Variants in ANKRD6 observed in about 807,000 individuals in gnomAD.
The protein encoded by ANKRD6 is ankyrin repeat domain 6.
A neutral mutation model predicts 82.3 loss-of-function variants in ANKRD6; 56 were observed. That is an observed-to-expected ratio of 0.68 (90% CI 0.55 to 0.85). The LOEUF (loss-of-function observed/expected upper bound fraction) is 0.85. ANKRD6 is among the 40% of genes least tolerant of loss of function. The probability of loss-of-function intolerance (pLI) is 0.00; values close to 1 mark genes in which losing one functional copy is unlikely to be tolerated. For synonymous variants in ANKRD6, 347 were observed against 352.1 expected (o/e 0.99, Z 0.16); for missense variants, 852 against 907.6 (o/e 0.94, Z 0.79).
At chr6:89,560,010 T>G (rs753591785) in intron 1 of ANKRD6, among the ~76,000 whole-genome samples, 19 of 152,106 alleles carry the variant, frequency 1.2e-4, no homozygotes, top group Non-Finnish European at 2.1e-4. Context: ...AAATGGACAT[T>G]AAAGGCCATC....
At chr6:89,544,556 T>G (rs1028984769) in intron 1 of ANKRD6, among the ~76,000 whole-genome samples, 6 of 151,668 alleles carry the variant, frequency 4.0e-5, no homozygotes, top group Non-Finnish European at 8.8e-5. Context: ...CTACTAATAA[T>G]ACAAAAAATT....
At chr6:89,493,679 G>A (rs978043209) in intron 1 of ANKRD6, among the ~76,000 whole-genome samples, 1 of 152,184 alleles carries the variant, frequency 6.6e-6, no homozygotes, top group East Asian at 1.9e-4. Context: ...TCCCAAAAAA[G>A]TGCTGGAATT....
intron 7 of ANKRD6, among the ~76,000 whole-genome samples, chr6:89,614,366 C>T (rs1470246219): frequency 2.0e-5 from 3 of 151,950 alleles, no homozygotes; most frequent in Admixed American, 1.3e-4. Flanking sequence ...AAAATTTGGC[C>T]GGCCGTGGTG....
intron 1 of ANKRD6, among the ~76,000 whole-genome samples, chr6:89,559,683 T>C (rs2128047703): frequency 6.6e-6 from 1 of 152,256 alleles, no homozygotes; most frequent in Non-Finnish European, 1.5e-5. Context: ...ATTCCCAGAG[T>C]GGCCGTGGTG....
At chr6:89,491,866 G>A (rs1012528332) in intron 1 of ANKRD6, among the ~76,000 whole-genome samples, 3 of 152,058 alleles carry the variant, frequency 2.0e-5, no homozygotes, top group African/African-American at 7.2e-5. Flanking sequence ...CCCTGAAGAT[G>A]AAGGGTCACA....
At chr6:89,517,142 T>C (rs1302486836) in intron 1 of ANKRD6, among the ~76,000 whole-genome samples, 1 of 152,228 alleles carries the variant, frequency 6.6e-6, no homozygotes, top group Non-Finnish European at 1.5e-5. Context: ...AGTGCTTGTG[T>C]TACAGGCGTA....
chr6:89,525,155 C>T (rs1782316385), intron 1 of ANKRD6, among the ~76,000 whole-genome samples: 2 of 151,966 alleles, frequency 1.3e-5, no homozygotes, highest in South Asian at 2.1e-4. Context: ...TTAGCTGGGC[C>T]TGGTGGCACA....
intron 14 of ANKRD6, chr6:89,628,816 C>A: frequency 6.2e-6 from 2 of 323,126 alleles, no homozygotes; most frequent in Non-Finnish European, 1.2e-5. Flanking sequence ...AGAGCAAGAA[C>A]TTACTAACCG....
At chr6:89,529,247 T>G (rs1304418101) in intron 1 of ANKRD6, among the ~76,000 whole-genome samples, 2 of 152,256 alleles carry the variant, frequency 1.3e-5, no homozygotes, top group African/African-American at 4.8e-5. Flanking sequence ...TAGCTAGATT[T>G]TCTCTTCTTA....
intron 2 of ANKRD6, 79 bp from the exon 3 acceptor site, chr6:89,595,837 C>A: frequency 8.4e-7 from 1 of 1,188,838 alleles, no homozygotes; most frequent in Non-Finnish European, 1.2e-6. Context: ...CTGTGCAAAC[C>A]TTGCTCTAGG....
At chr6:89,477,070 A>G (rs1013722295) in intron 1 of ANKRD6, among the ~76,000 whole-genome samples, 3 of 151,956 alleles carry the variant, frequency 2.0e-5, no homozygotes, top group Non-Finnish European at 4.4e-5. Flanking sequence ...TCAGCCTCCC[A>G]AGTAGCTGGG....
intron 1 of ANKRD6, among the ~76,000 whole-genome samples, chr6:89,492,038 A>T (rs535830637): frequency 1.3e-5 from 2 of 152,330 alleles, no homozygotes; most frequent in East Asian, 3.9e-4. Context: ...TTATTTCCTT[A>T]TGAAGACTCC....
chr6:89,535,381 T>C (rs778211177), intron 1 of ANKRD6, among the ~76,000 whole-genome samples: 4 of 152,258 alleles, frequency 2.6e-5, no homozygotes, highest in Non-Finnish European at 4.4e-5. Flanking sequence ...ATAGTCTGCA[T>C]GTTTCCTCAG....
intron 1 of ANKRD6, among the ~76,000 whole-genome samples, chr6:89,546,465 ATTGAT>A (rs1785109906): frequency 6.6e-6 from 1 of 151,902 alleles, no homozygotes; most frequent in African/African-American, 2.4e-5. Context: ...TGATTGATCG[ATTGAT>A]CGATTGATTT....
At position 89,627,485 on chromosome 6, in the gene ANKRD6, C is replaced by A. The variant is rs1313408263; in HGVS notation, c.1372-98C>A. 6.4e-6 allele frequency: 6 copies of A among 936,252 alleles called. No individual in the cohort carries two copies. In the Admixed American group the frequency reaches 1.1e-4, roughly 17 times the overall value. 58.0% of individuals were successfully genotyped at this position (936,252 alleles called of 1,614,324 possible). A position where few individuals can be genotyped will look rare whatever the true frequency, so the allele number is the denominator to read the frequency against. On this transcript the variant is annotated intron_variant, in intron 13 of 15. Coordinates refer to ENST00000339746, the MANE Select transcript of ANKRD6 (RefSeq NM_001242809.2). ...AGGGGTTGAAGTTTGCATGCAGGGG[C>A]TCCTACTTGGTTCCCCAAGCCCCTC...
At chr6:89,608,493 A>G (rs1341739059) in intron 5 of ANKRD6, among the ~76,000 whole-genome samples, 2 of 151,820 alleles carry the variant, frequency 1.3e-5, no homozygotes, top group Non-Finnish European at 2.9e-5. Flanking sequence ...AAATCAAGCT[A>G]TAGAAATATA....
chr6:89,615,104 T>C (rs1482532034), intron 7 of ANKRD6, among the ~76,000 whole-genome samples: 2 of 152,214 alleles, frequency 1.3e-5, no homozygotes, highest in African/African-American at 4.8e-5. Flanking sequence ...TTGGTATTTA[T>C]TGACACCTAT....
intron 1 of ANKRD6, among the ~76,000 whole-genome samples, chr6:89,550,821 T>TACAG (rs1785743903): frequency 6.6e-6 from 1 of 152,076 alleles, no homozygotes. Context: ...CAGGGCATGG[T>TACAG]GGCGGGCGCC....
chr6:89,458,263 A>C (rs1368890977), intron 1 of ANKRD6, among the ~76,000 whole-genome samples: 1 of 152,248 alleles, frequency 6.6e-6, no homozygotes, highest in African/African-American at 2.4e-5. Flanking sequence ...ATTTTGGGCT[A>C]TAACTGTGGA....
Sources: gnomAD v4.1 joint callset for allele counts (sites outside exome capture counted in the v4.1 genomes callset) on GRCh38, gnomAD v4.1.1 for gene constraint, MANE v1.5 for transcripts, NCBI Gene and HGNC (gene_info 2026-07-23, HGNC 2026-07-21) for gene names.